Variants in SPATA22 observed in about 807,000 individuals in gnomAD.
SPATA22 encodes spermatogenesis associated 22.
SPATA22 carries 29 observed loss-of-function variants against 47.8 expected under a neutral mutation model. That is an observed-to-expected ratio of 0.61 (90% CI 0.45 to 0.83). The LOEUF (loss-of-function observed/expected upper bound fraction) is 0.83. Among genes scored for constraint, SPATA22 ranks in the 40% least tolerant of loss-of-function variants. The probability of loss-of-function intolerance (pLI) is 0.00; values close to 1 mark genes in which losing one functional copy is unlikely to be tolerated. For synonymous variants in SPATA22, 133 were observed against 140.9 expected, an observed-to-expected ratio of 0.94 and a Z score of 0.40; for missense variants, 410 against 421.7, an observed-to-expected ratio of 0.97 and a Z score of 0.24.
At chr17:3,489,203 A>G in intron 1 of SPATA22, 1 of 1,269,448 alleles carries the variant, frequency 7.9e-7, no homozygotes, top group Non-Finnish European at 1.1e-6. Flanking sequence ...TCATACTTAT[A>G]TAAATGTGAC....
intron 1 of SPATA22, chr17:3,489,367 A>T (rs779738539): frequency 2.6e-6 from 4 of 1,538,832 alleles, no homozygotes; most frequent in Non-Finnish European, 3.6e-6. Flanking sequence ...AGGTAACGTT[A>T]TCAAACTTAA....
rs898374099 is a variant in SPATA22 at position 3,490,687 on chromosome 17, A to G, written c.-73-21289T>C. ...TGGAACTGGTTTTGAGAAGATCACA[A>G]CATACTTACAATAAACCCTCTGAAT... On this transcript the variant is annotated intron_variant, in intron 1 of 8. Coordinates refer to the SPATA22 transcript ENST00000541913. The surrounding 1 kb of genome is among the most constrained non-coding windows in gnomAD (Gnocchi z 4.6). Among the ~76,000 whole-genome samples, 1 of 152,218 alleles carries G rather than the reference A, an allele frequency of 6.6e-6. No homozygotes were observed. Among genetic ancestry groups the G allele is most frequent in the Non-Finnish European group, 1.5e-5 (1 of 68,044 alleles).
intron 1 of SPATA22, chr17:3,511,651 AC>A (rs2074115675): frequency 1.3e-5 from 2 of 152,264 alleles, no homozygotes; most frequent in Admixed American, 1.3e-4. Flanking sequence ...TTCCATCCAG[AC>A]CCACAGACAG....
chr17:3,464,656 C>T (rs2073233283), intron 3 of SPATA22, among the ~76,000 whole-genome samples: 2 of 149,908 alleles, frequency 1.3e-5, no homozygotes, highest in African/African-American at 4.9e-5. Flanking sequence ...GTGAGGAGCG[C>T]CTCTGCCCGG....
At position 3,509,329 on chromosome 17, in the gene SPATA22, C is replaced by T. The variant is rs769378092; in HGVS notation, c.-74+4083G>A. ...GTTCCCTCCCCTCACCCCCTACCCC[C>T]CAACAGGCCCTGGTGTGTGTTGTTC... On this transcript the variant is annotated intron_variant, in intron 1 of 8. Transcript: ENST00000541913. Among the ~76,000 whole-genome samples the T allele has an allele frequency of 7.4e-4, 112 of 152,240 alleles. 1 individual carries two copies. The highest frequency in any genetic ancestry group is 1.3e-3 in the Non-Finnish European group (88 of 67,994).
intron 1 of SPATA22, among the ~76,000 whole-genome samples, chr17:3,509,359 C>G (rs778541562): frequency 8.5e-5 from 13 of 152,056 alleles, no homozygotes; most frequent in Non-Finnish European, 1.5e-4. Flanking sequence ...TTGTTCCCGT[C>G]TCTGTGTCCA....
chr17:3,462,846 T>C lies in SPATA22; in HGVS notation c.173-79A>G. Reference sequence around the variant, plus strand: ...ATGATAAATTCATACTTATTTAATTTGGAGGGTTTAAAAACTTGAAGAAGA... The same window carrying C: ...ATGATAAATTCATACTTATTTAATTCGGAGGGTTTAAAAACTTGAAGAAGA... On this transcript the variant is annotated intron_variant, in intron 3 of 8. Coordinates refer to ENST00000572969, the MANE Select transcript of SPATA22 (RefSeq NM_001170698.2). The C allele has an allele frequency of 2.5e-6, 3 of 1,186,070 alleles. No homozygotes were observed. In the Admixed American group the frequency reaches 5.3e-5, roughly 21 times the overall value. 73.5% of individuals were successfully genotyped at this position (1,186,070 alleles called of 1,614,324 possible). A position where few individuals can be genotyped will look rare whatever the true frequency, so the allele number is the denominator to read the frequency against.
intron 1 of SPATA22, among the ~76,000 whole-genome samples, chr17:3,470,415 G>A (rs750760425): frequency 6.6e-6 from 1 of 152,178 alleles, no homozygotes; most frequent in Non-Finnish European, 1.5e-5. Flanking sequence ...ATGCAAGTCA[G>A]GCCGAGGTGT....
At chr17:3,508,464 G>A (rs1381415069) in intron 1 of SPATA22, among the ~76,000 whole-genome samples, 3 of 150,632 alleles carry the variant, frequency 2.0e-5, no homozygotes, top group South Asian at 2.1e-4. Flanking sequence ...TGTTTATTGC[G>A]GCACTATTCA....
intron 3 of SPATA22, among the ~76,000 whole-genome samples, chr17:3,465,439 A>C (rs1173222136): frequency 6.6e-6 from 1 of 151,968 alleles, no homozygotes; most frequent in Non-Finnish European, 1.5e-5. Context: ...TACTAAGAAA[A>C]ATTCTTCTGC....
In SPATA22 at chr17:3,443,255, A is replaced by C; in HGVS notation, c.819T>G (p.Ala273=). ...LFEVLAVLDS[A]VTPGPYYSKT... is the part of the protein sequence containing the mutation. Reference sequence around the variant, plus strand: ...TCGAATAATATGGGCCAGGTGTAACAGCTGAATCAAGAACAGCTAAGCAAT... The same window carrying C: ...TCGAATAATATGGGCCAGGTGTAACCGCTGAATCAAGAACAGCTAAGCAAT... The change falls in exon 8 of 9, where the codon GCT becomes GCG. Residue 273 remains alanine (A), a synonymous_variant. Transcript: ENST00000572969. 1 of 1,609,244 alleles carries C rather than the reference A, an allele frequency of 6.2e-7. No individual in the cohort carries two copies. Among genetic ancestry groups the C allele is most frequent in the Non-Finnish European group, 8.5e-7 (1 of 1,177,558 alleles).
At chr17:3,480,037 T>G (rs1033343177) in intron 1 of SPATA22, among the ~76,000 whole-genome samples, 1 of 72,420 alleles carries the variant, frequency 1.4e-5, no homozygotes, top group South Asian at 3.2e-4. Context: ...GTGGCCTTTT[T>G]GGAGAGGTTA....
At chr17:3,457,534 A>G (rs531323608) in intron 5 of SPATA22, among the ~76,000 whole-genome samples, 1 of 152,282 alleles carries the variant, frequency 6.6e-6, no homozygotes, top group Admixed American at 6.5e-5. Flanking sequence ...AACAATCTTG[A>G]GAAAGAATAA....
At chr17:3,446,739 T>TA in intron 6 of SPATA22, 138 bp from the exon 7 acceptor site, 1 of 685,812 alleles carries the variant, frequency 1.5e-6, no homozygotes, top group Non-Finnish European at 2.3e-6. Context: ...TTAGTATAGT[T>TA]ACTTCCCTAA....
intron 1 of SPATA22, among the ~76,000 whole-genome samples, chr17:3,508,000 C>A (rs1260714954): frequency 6.6e-6 from 1 of 152,180 alleles, no homozygotes; most frequent in Non-Finnish European, 1.5e-5. Context: ...GAATCACGTA[C>A]AATCCCTGTC....
At chr17:3,471,580 G>C in intron 1 of SPATA22, 102 bp downstream of exon 1, 2 of 985,168 alleles carry the variant, frequency 2.0e-6, no homozygotes, top group Non-Finnish European at 2.4e-6. Flanking sequence ...TTTGGCTCCT[G>C]ACCGCGGTGG....
intron 8 of SPATA22, 100 bp downstream of exon 8, chr17:3,443,074 A>C: frequency 1.2e-6 from 1 of 817,426 alleles, no homozygotes; most frequent in Non-Finnish European, 1.9e-6. Flanking sequence ...TGTTAAAAGT[A>C]CTAAATTGTT....
At position 3,445,971 on chromosome 17, in the gene SPATA22, G is replaced by A. The variant is rs190808294; in HGVS notation, c.802+501C>T. On this transcript the variant is annotated intron_variant, in intron 7 of 8. Transcript: ENST00000572969. Reference sequence around the variant, plus strand: ...GTCTATAATGAGTCATCAAAGCCATGTTCCTTTTGGAGGCTCTAGAGTAAA... The same window carrying A: ...GTCTATAATGAGTCATCAAAGCCATATTCCTTTTGGAGGCTCTAGAGTAAA... Among the ~76,000 whole-genome samples, 401 of 152,204 alleles carry A rather than the reference G, an allele frequency of 2.6e-3. 1 individual carries two copies. Among genetic ancestry groups the A allele is most frequent in the Non-Finnish European group, 3.8e-3 (261 of 67,992 alleles).
At chr17:3,466,538 G>C (rs964103750) in intron 3 of SPATA22, among the ~76,000 whole-genome samples, 24 of 152,138 alleles carry the variant, frequency 1.6e-4, no homozygotes, top group African/African-American at 5.6e-4. Context: ...GGTGACCTCT[G>C]AGAACTAGAA....
Sources: gnomAD v4.1 joint callset for allele counts (sites outside exome capture counted in the v4.1 genomes callset) on GRCh38, gnomAD v4.1.1 for gene constraint, Gnocchi (gnomAD v3.1) non-coding constraint, MANE v1.5 for transcripts, NCBI Gene and HGNC (gene_info 2026-07-23, HGNC 2026-07-21) for gene names.